RAPGEF6: variants seen among roughly 807,000 people sequenced by gnomAD.
The protein encoded by RAPGEF6 is Rap guanine nucleotide exchange factor 6, also known as PDZ domain containing guanine nucleotide exchange factor (GEF) 2.
Under a neutral mutation model 171.4 loss-of-function variants are expected in RAPGEF6, and 56 were observed. The observed-to-expected ratio is 0.33, with a 90% CI of 0.26 to 0.41. The LOEUF is 0.41. RAPGEF6 is among the 10% of genes least tolerant of loss of function. RAPGEF6 has a pLI of 1.00. For synonymous variants in RAPGEF6, 692 were observed against 650.1 expected, an observed-to-expected ratio of 1.06 and a Z score of -0.98; for missense variants, 1,674 against 1,921.4, an observed-to-expected ratio of 0.87 and a Z score of 2.41.
At chr5:131,450,698 T>C (rs1238928150) in intron 21 of RAPGEF6, among the ~76,000 whole-genome samples, 2 of 152,198 alleles carry the variant, frequency 1.3e-5, no homozygotes, top group Non-Finnish European at 2.9e-5. Context: ...TTGTCCAAAC[T>C]AGATACTCAT....
intron 16 of RAPGEF6, among the ~76,000 whole-genome samples, chr5:131,476,035 CAGAA>C (rs1206454030): frequency 1.3e-5 from 2 of 152,014 alleles, no homozygotes; most frequent in African/African-American, 4.8e-5. Context: ...TTGTAAAATA[CAGAA>C]AGAAAGCAGA....
intron 15 of RAPGEF6, among the ~76,000 whole-genome samples, chr5:131,485,091 T>C (rs890750220): frequency 3.3e-5 from 5 of 152,098 alleles, no homozygotes; most frequent in African/African-American, 4.8e-5. Flanking sequence ...CATGCCCAGC[T>C]AAATTTTAGT....
chr5:131,635,126 A>C lies in RAPGEF6; in HGVS notation c.-96T>G, dbSNP rs1766560720. On this transcript the variant is annotated 5_prime_UTR_variant, in exon 1 of 28. Coordinates refer to ENST00000509018, the MANE Select transcript of RAPGEF6 (RefSeq NM_016340.6). ...GGTGCGGTACCTTTCCCCCGCCCCA[A>C]GGAGGGAACTTCGCGCCGTAACAAG... is the stretch of plus-strand genomic sequence containing the variant. 10 of 1,281,456 alleles carry C rather than the reference A, an allele frequency of 7.8e-6. No individual in the cohort carries two copies. The highest frequency in any genetic ancestry group is 1.1e-5 in the Non-Finnish European group (10 of 950,418). 79.4% of individuals were successfully genotyped at this position (1,281,456 alleles called of 1,614,324 possible). A position where few individuals can be genotyped will look rare whatever the true frequency, so the allele number is the denominator to read the frequency against.
intron 15 of RAPGEF6, among the ~76,000 whole-genome samples, chr5:131,480,862 A>G (rs187787070): frequency 7.0e-4 from 107 of 152,108 alleles, no homozygotes; most frequent in Middle Eastern, 3.4e-3. Flanking sequence ...TAAAGCTGCT[A>G]AAAAAATATC....
At chr5:131,559,835 GAAAAAAAGAAAAA>G (rs1340210992) in intron 5 of RAPGEF6, among the ~76,000 whole-genome samples, 214 of 94,930 alleles carry the variant, frequency 2.3e-3, no homozygotes, top group African/African-American at 6.8e-3. Context: ...TTTTCTTTAA[GAAAAAAAGAAAAA>G]AAAAAAAGAA....
At chr5:131,487,158 G>A (rs541554590) in intron 15 of RAPGEF6, among the ~76,000 whole-genome samples, 100 of 151,878 alleles carry the variant, frequency 6.6e-4, no homozygotes, top group Middle Eastern at 3.4e-3. Context: ...AGATGTGTCC[G>A]GAGTTTCTTC....
At chr5:131,591,011 A>C (rs576795500) in intron 4 of RAPGEF6, among the ~76,000 whole-genome samples, 1 of 152,328 alleles carries the variant, frequency 6.6e-6, no homozygotes, top group East Asian at 1.9e-4. Flanking sequence ...GAACTACTAT[A>C]TATTTATAAA....
chr5:131,452,184 C>A (rs1169862556), intron 21 of RAPGEF6, among the ~76,000 whole-genome samples: 11 of 148,116 alleles, frequency 7.4e-5, no homozygotes, highest in Non-Finnish European at 1.5e-4. Flanking sequence ...TGCGCCTCTG[C>A]ACTCCAGCCT....
rs755214206 is a variant in RAPGEF6, at chr5:131,446,744, G to A, written c.3201-41C>T. 3.3e-6 allele frequency: 5 copies of A among 1,534,790 alleles called. No individual in the cohort carries two copies. In the South Asian group the frequency reaches 4.6e-5, roughly 14 times the overall value. On this transcript the variant is annotated intron_variant, in intron 21 of 27. Transcript: ENST00000509018. Reference sequence around the variant, plus strand: ...AATCACAATAAGGGGCTATAGAGATGAGAACTAAGCATAGCAGATTGAAGA... The same window carrying A: ...AATCACAATAAGGGGCTATAGAGATAAGAACTAAGCATAGCAGATTGAAGA...
intron 6 of RAPGEF6, among the ~76,000 whole-genome samples, chr5:131,545,797 C>T (rs1006487956): frequency 2.6e-5 from 4 of 152,280 alleles, no homozygotes; most frequent in Admixed American, 6.5e-5. Context: ...TTCTCTAACC[C>T]GGTCTCATAG....
intron 27 of RAPGEF6, among the ~76,000 whole-genome samples, chr5:131,428,191 T>C (rs1336476110): frequency 6.6e-6 from 1 of 152,100 alleles, no homozygotes; most frequent in Non-Finnish European, 1.5e-5. Context: ...GGAGGACTGC[T>C]TCAGGCCAGG....
intron 19 of RAPGEF6, among the ~76,000 whole-genome samples, chr5:131,460,591 A>G (rs2149833467): frequency 6.6e-6 from 1 of 152,268 alleles, no homozygotes; most frequent in Middle Eastern, 3.4e-3. Context: ...GCTGTTTAAA[A>G]ACTGTGATAT....
chr5:131,623,704 C>T (rs769825008), intron 1 of RAPGEF6, among the ~76,000 whole-genome samples: 5 of 151,978 alleles, frequency 3.3e-5, no homozygotes, highest in Non-Finnish European at 7.4e-5. Flanking sequence ...AGGCTGGTTT[C>T]GAACTCCTGA....
At chr5:131,610,258 C>T (rs554347508) in intron 1 of RAPGEF6, among the ~76,000 whole-genome samples, 29 of 152,282 alleles carry the variant, frequency 1.9e-4, no homozygotes, top group African/African-American at 6.7e-4. Context: ...GCTATGGACT[C>T]TGCATGTTTG....
chr5:131,436,021 C>T (rs1021647884), intron 24 of RAPGEF6: 1 of 1,536,866 alleles, frequency 6.5e-7, no homozygotes, highest in African/African-American at 1.4e-5. Context: ...GTTGCCTTGG[C>T]TATTTGAATT....
chr5:131,506,251 C>T (rs1757364778), intron 9 of RAPGEF6, among the ~76,000 whole-genome samples: 1 of 152,194 alleles, frequency 6.6e-6, no homozygotes, highest in South Asian at 2.1e-4. Context: ...AGTGATCCTC[C>T]TGCCTCAGCC....
intron 17 of RAPGEF6, among the ~76,000 whole-genome samples, chr5:131,468,163 T>TAA (rs530236661): frequency 6.8e-6 from 1 of 146,156 alleles, no homozygotes; most frequent in African/African-American, 2.5e-5. Context: ...CCATCTCTAC[T>TAA]AAAAAAAAAT....
In RAPGEF6 at chr5:131,525,382, TTAGA is replaced by T. The variant is rs1266259164; in HGVS notation, c.496-3865_496-3862del. On this transcript the variant is annotated intron_variant, in intron 6 of 27. Transcript: ENST00000509018. ...AAAAGATAAATAGAAAACTATCATG[TTAGA>T]AAATTGTAAACAATCCTCTATTGAA... Among the ~76,000 whole-genome samples, 3 of 152,290 alleles carry T rather than the reference TTAGA, an allele frequency of 2.0e-5. No individual in the cohort carries two copies. The East Asian group carries it at 5.8e-4, about 29-fold the overall frequency.
intron 1 of RAPGEF6, among the ~76,000 whole-genome samples, chr5:131,608,932 A>G (rs987458432): frequency 3.3e-5 from 5 of 151,868 alleles, no homozygotes; most frequent in African/African-American, 1.2e-4. Context: ...ACACAACACC[A>G]TGCCCATTTA....
Sources: gnomAD v4.1 joint callset for allele counts (sites outside exome capture counted in the v4.1 genomes callset) on GRCh38, gnomAD v4.1.1 for gene constraint, MANE v1.5 for transcripts, NCBI Gene and HGNC (gene_info 2026-07-23, HGNC 2026-07-21) for gene names.